Variants in RGP1 observed in about 807,000 individuals in gnomAD.
The protein encoded by RGP1 is RGP1 partner of RAB6A GEF complex.
A neutral mutation model predicts 44.5 loss-of-function variants in RGP1; 28 were observed. That is an observed-to-expected ratio of 0.63 (90% confidence interval 0.47 to 0.86). The LOEUF is 0.86. Among genes scored for constraint, RGP1 ranks in the 40% least tolerant of loss-of-function variants. RGP1 has a pLI of 0.00. For missense variants in RGP1, 417 were observed against 490.7 expected (o/e 0.85, Z 1.42); for synonymous variants, 212 against 196.7 (o/e 1.08, Z -0.65).
In RGP1 at chr9:35,754,115, C is replaced by T; in HGVS notation, c.*1241C>T. The T allele has an allele frequency of 1.2e-6, 2 of 1,613,240 alleles. No homozygotes were observed. Among genetic ancestry groups the T allele is most frequent in the Non-Finnish European group, 1.7e-6 (2 of 1,179,508 alleles). On this transcript the variant is annotated 3_prime_UTR_variant, in exon 9 of 9. Transcript: ENST00000378078. ...TCCCCTTGGCCTGTCCAGCCCAGAG[C>T]ATCCTTAGGGCCATTGCTGCTGCAC...
the RGP1 span, among the ~76,000 whole-genome samples, chr9:35,767,211 A>T: frequency 6.7e-6 from 1 of 150,162 alleles, no homozygotes; most frequent in Non-Finnish European, 1.5e-5. Context: ...ATATCAAATG[A>T]TCTCATGTTC....
Position 35,753,309 on chromosome 9 carries a change from C to A in RGP1, c.*435C>A. On this transcript the variant is annotated 3_prime_UTR_variant, in exon 9 of 9. Coordinates refer to ENST00000378078, the MANE Select transcript of RGP1 (RefSeq NM_001080496.3). The surrounding 1 kb of genome is among the most constrained non-coding windows in gnomAD (Gnocchi z 4.2). Reference sequence around the variant, plus strand: ...GGGAACCAAGGATAGGGGAAGGAGTCAGCACAGTGAAAGGCTGCCTTTATC... The same window carrying A: ...GGGAACCAAGGATAGGGGAAGGAGTAAGCACAGTGAAAGGCTGCCTTTATC... 3 of 1,605,762 alleles carry A rather than the reference C, an allele frequency of 1.9e-6. No individual in the cohort carries two copies. In the South Asian group the frequency reaches 3.3e-5, roughly 18 times the overall value.
Position 35,749,682 on chromosome 9 carries a change from G to C in RGP1, c.-19-55G>C. On this transcript the variant is annotated intron_variant, in intron 1 of 8. Transcript: ENST00000378078. This position sits in a 1 kb window ranked among gnomAD's most constrained non-coding sequence, Gnocchi z 4.4. ...CAGCCCTCAGCCCTAGGTGCTCACC[G>C]CAACGCCCCTCCCTGTCAAGGTGCT... 9.2e-7 allele frequency: 1 copy of C among 1,085,700 alleles called. No homozygotes were observed. The highest frequency in any genetic ancestry group is 1.9e-5 in the Admixed American group (1 of 52,390). 67.3% of individuals were successfully genotyped at this position (1,085,700 alleles called of 1,614,324 possible). A position where few individuals can be genotyped will look rare whatever the true frequency, so the allele number is the denominator to read the frequency against.
rs754946113 is a variant in RGP1, at chr9:35,753,088, G to C, written c.*214G>C. 6.2e-7 allele frequency: 1 copy of C among 1,612,076 alleles called. No individual in the cohort carries two copies. Among genetic ancestry groups the C allele is most frequent in the South Asian group, 1.1e-5 (1 of 90,992 alleles). ...AGCAGTGAGCAGTCAGCAGATGGAT[G>C]ATCAGTTGAGTTTAGCTGGAGTGGG... On this transcript the variant is annotated 3_prime_UTR_variant, in exon 9 of 9. Coordinates refer to ENST00000378078, the MANE Select transcript of RGP1 (RefSeq NM_001080496.3). This position sits in a 1 kb window ranked among gnomAD's most constrained non-coding sequence, Gnocchi z 4.2.
At chr9:35,772,168 T>G in the RGP1 span, 6 of 152,216 alleles carry the variant, frequency 3.9e-5, no homozygotes, top group Admixed American at 6.5e-5. Context: ...GTCAGTTATA[T>G]GCATCAAGGT....
the RGP1 span, among the ~76,000 whole-genome samples, chr9:35,778,876 T>C: frequency 1.1e-4 from 16 of 152,348 alleles, no homozygotes; most frequent in East Asian, 2.9e-3. Flanking sequence ...TACATGGCTT[T>C]CATCTGATGT....
At chr9:35,779,323 C>G in the RGP1 span, among the ~76,000 whole-genome samples, 1 of 152,112 alleles carries the variant, frequency 6.6e-6, no homozygotes, top group Non-Finnish European at 1.5e-5. Flanking sequence ...TCCTTTCCCC[C>G]CTTAAAGTAA....
chr9:35,753,732 C>T lies in RGP1; in HGVS notation c.*858C>T, dbSNP rs1391333935. 1.4e-5 allele frequency: 23 copies of T among 1,614,134 alleles called. No individual in the cohort carries two copies. The highest frequency in any genetic ancestry group is 1.9e-5 in the Non-Finnish European group (22 of 1,180,030). On this transcript the variant is annotated 3_prime_UTR_variant, in exon 9 of 9. Coordinates refer to ENST00000378078, the MANE Select transcript of RGP1 (RefSeq NM_001080496.3). This position sits in a 1 kb window ranked among gnomAD's most constrained non-coding sequence, Gnocchi z 4.2. ...ACAGTCCTTGCGGAGCCAAGACTCA[C>T]CCAGGGTAAAATATTTCCCCTCATA...
At chr9:35,779,323 C>A in the RGP1 span, among the ~76,000 whole-genome samples, 5 of 152,230 alleles carry the variant, frequency 3.3e-5, no homozygotes, top group African/African-American at 1.2e-4. Context: ...TCCTTTCCCC[C>A]CTTAAAGTAA....
rs1006824662 is a variant in RGP1, at chr9:35,757,459, G to A, written c.*4585G>A. 6.6e-6 allele frequency: 1 copy of A among 152,602 alleles called. No individual in the cohort carries two copies. The highest frequency in any genetic ancestry group is 1.5e-5 in the Non-Finnish European group (1 of 68,328). 9.5% of individuals were successfully genotyped at this position (152,602 alleles called of 1,614,324 possible). Reference sequence around the variant, plus strand: ...GGGGCCCCCGAGGGGGAAACCGGGAGTCGGGCAGGTGGCGTAACCCAGAAA... The same window carrying A: ...GGGGCCCCCGAGGGGGAAACCGGGAATCGGGCAGGTGGCGTAACCCAGAAA... On this transcript the variant is annotated 3_prime_UTR_variant, in exon 9 of 9. Transcript: ENST00000378078.
At position 35,754,907 on chromosome 9, in the gene RGP1, C is replaced by T. The variant is rs1012867780; in HGVS notation, c.*2033C>T. ...CAGCAGATGTGGGATCACCCCACATCTGGGGATGGTTCTTTCCCCTTTCAA... is the reference window on the plus strand; with the variant it reads ...CAGCAGATGTGGGATCACCCCACATTTGGGGATGGTTCTTTCCCCTTTCAA... On this transcript the variant is annotated 3_prime_UTR_variant, in exon 9 of 9. Coordinates refer to ENST00000378078, the MANE Select transcript of RGP1 (RefSeq NM_001080496.3). 6.6e-6 allele frequency: 1 copy of T among 152,228 alleles called. No homozygotes were observed. The highest frequency in any genetic ancestry group is 1.5e-5 in the Non-Finnish European group (1 of 68,050). 9.4% of individuals were successfully genotyped at this position (152,228 alleles called of 1,614,324 possible).
the RGP1 span, chr9:35,786,598 T>A: frequency 6.6e-6 from 1 of 152,134 alleles, no homozygotes; most frequent in South Asian, 2.1e-4. Flanking sequence ...ATCAAGGAAA[T>A]AAATGTATGT....
At chr9:35,767,839 G>C in the RGP1 span, among the ~76,000 whole-genome samples, 2 of 152,254 alleles carry the variant, frequency 1.3e-5, no homozygotes, top group Admixed American at 1.3e-4. Context: ...TTTGCACTCT[G>C]TCACCCAGGC....
At chr9:35,763,425 G>T (rs367670026), downstream of RGP1, among the ~76,000 whole-genome samples, 2 of 152,180 alleles carry the variant, frequency 1.3e-5, no homozygotes, top group Non-Finnish European at 2.9e-5. Flanking sequence ...AGATTTTCAT[G>T]TGTACAGTTT....
At chr9:35,790,130 CTT>C in the RGP1 span, 138 of 143,868 alleles carry the variant, frequency 9.6e-4, no homozygotes, top group Non-Finnish European at 1.0e-3. Context: ...TTGACTGTTC[CTT>C]TTTTTTTTTT....
At chr9:35,769,976 G>A in the RGP1 span, among the ~76,000 whole-genome samples, 1 of 152,168 alleles carries the variant, frequency 6.6e-6, no homozygotes, top group Non-Finnish European at 1.5e-5. Flanking sequence ...CTGGGGGCAG[G>A]GACTGCTTCA....
At position 35,749,522 on chromosome 9, in the gene RGP1, G is replaced by A. The variant is rs1256116949; in HGVS notation, c.-20+114G>A. ...CAGGGAGAAGAACCCGTCGCACAGG[G>A]GCTGGGGTCTAGGGCCCAGAGCGAT... On this transcript the variant is annotated intron_variant, in intron 1 of 8. Transcript: ENST00000378078. The surrounding 1 kb of genome is among the most constrained non-coding windows in gnomAD (Gnocchi z 4.4). 2.1e-5 allele frequency: 14 copies of A among 678,564 alleles called. No individual in the cohort carries two copies. The highest frequency in any genetic ancestry group is 1.6e-4 in the South Asian group (11 of 67,346). 42.0% of individuals were successfully genotyped at this position (678,564 alleles called of 1,614,324 possible). A position where few individuals can be genotyped will look rare whatever the true frequency, so the allele number is the denominator to read the frequency against.
At chr9:35,776,332 G>C in the RGP1 span, among the ~76,000 whole-genome samples, 1 of 151,418 alleles carries the variant, frequency 6.6e-6, no homozygotes, top group Non-Finnish European at 1.5e-5. Flanking sequence ...TGTCATCCAG[G>C]CTGGGGCGCA....
At position 35,752,787 on chromosome 9, in the gene RGP1, G is replaced by A. The variant is rs1448716071; in HGVS notation, c.1089G>A (p.Trp363Ter). 1.2e-6 allele frequency: 2 copies of A among 1,613,652 alleles called. No homozygotes were observed. Among genetic ancestry groups the A allele is most frequent in the Non-Finnish European group, 8.5e-7 (1 of 1,179,826 alleles). The change falls in exon 9 of 9, where the codon TGG becomes TGA. Residue 363 changes from tryptophan (W) to a stop codon, truncating the protein, a stop_gained. Transcript: ENST00000378078. LOFTEE classifies it high-confidence loss of function. ...AAGTACCTGTAGACACCTTCAGCTG[G>A]GACCTGCCCATCAAGGTGCTGCCTA... ...PEQVPVDTFS[W>*]DLPIKVLPTS... is the part of the protein sequence containing the mutation.
Sources: gnomAD v4.1 joint callset for allele counts (sites outside exome capture counted in the v4.1 genomes callset) on GRCh38, gnomAD v4.1.1 for gene constraint, Gnocchi (gnomAD v3.1) non-coding constraint, MANE v1.5 for transcripts, NCBI Gene and HGNC (gene_info 2026-07-23, HGNC 2026-07-21) for gene names.